WDR25: variants seen among roughly 807,000 people sequenced by gnomAD.
WDR25 encodes the protein WD repeat-containing protein 25.
WDR25 carries 35 observed loss-of-function variants against 47.7 expected under a neutral mutation model. The ratio of observed to expected loss-of-function variants is 0.73; its 90% CI spans 0.56 to 0.97. The LOEUF (loss-of-function observed/expected upper bound fraction) is 0.97. Ranked by LOEUF, WDR25 falls within the 50% of genes least tolerant of loss-of-function variation. The probability of loss-of-function intolerance (pLI) is 0.00; values close to 1 mark genes in which losing one functional copy is unlikely to be tolerated. For synonymous variants in WDR25, 248 were observed against 278.9 expected (o/e 0.89, Z 1.10); for missense variants, 634 against 704.7 (o/e 0.90, Z 1.14).
chr14:100,516,633 C>A (rs145413956), intron 4 of WDR25, among the ~76,000 whole-genome samples: 2 of 152,200 alleles, frequency 1.3e-5, no homozygotes, highest in African/African-American at 4.8e-5. Context: ...TTATTCCTGG[C>A]GGTTTTCCTT....
intron 3 of WDR25, among the ~76,000 whole-genome samples, chr14:100,482,009 A>G (rs537239538): frequency 6.6e-6 from 1 of 152,174 alleles, no homozygotes; most frequent in South Asian, 2.1e-4. Context: ...TTTTTGTTAC[A>G]TGTGTTAAGA....
intron 2 of WDR25, among the ~76,000 whole-genome samples, chr14:100,399,648 G>A (rs913408667): frequency 3.9e-5 from 6 of 152,138 alleles, no homozygotes; most frequent in South Asian, 2.1e-4. Flanking sequence ...TCTGCTTTCC[G>A]GATGCTTCTA....
intron 2 of WDR25, among the ~76,000 whole-genome samples, chr14:100,388,203 C>T (rs931454964): frequency 3.9e-5 from 6 of 152,216 alleles, no homozygotes; most frequent in African/African-American, 9.6e-5. Context: ...CAATGAGAGG[C>T]GCAGCTGGGA....
intron 2 of WDR25, among the ~76,000 whole-genome samples, chr14:100,452,454 G>A (rs527291617): frequency 6.6e-6 from 1 of 152,362 alleles, no homozygotes; most frequent in South Asian, 2.1e-4. Flanking sequence ...AGATGAAGGG[G>A]AGTGATGAGA....
intron 4 of WDR25, among the ~76,000 whole-genome samples, chr14:100,494,976 C>T (rs1900684962): frequency 6.6e-6 from 1 of 151,850 alleles, no homozygotes; most frequent in African/African-American, 2.4e-5. Flanking sequence ...CATGACTCTA[C>T]AAAAACAAAC....
chr14:100,516,580 C>G (rs911276327), intron 4 of WDR25, among the ~76,000 whole-genome samples: 1 of 152,162 alleles, frequency 6.6e-6, no homozygotes, highest in South Asian at 2.1e-4. Context: ...GTTGTTATGT[C>G]TGCTAGATGA....
intron 1 of WDR25, chr14:100,376,871 T>G (rs1191190062): frequency 1.5e-6 from 1 of 675,736 alleles, no homozygotes; most frequent in Non-Finnish European, 2.0e-6. Flanking sequence ...TCCTAGCATC[T>G]CCCCCTCCCA....
At chr14:100,470,598 G>C (rs560314169) in intron 3 of WDR25, among the ~76,000 whole-genome samples, 147 of 152,312 alleles carry the variant, frequency 9.7e-4, no homozygotes, top group African/African-American at 3.4e-3. Context: ...AGCAGCTGGC[G>C]GGCAGAGGCC....
rs539464360 is a variant in WDR25 at position 100,423,635 on chromosome 14, C to T, written c.822+41889C>T. On this transcript the variant is annotated intron_variant, in intron 2 of 6. Coordinates refer to ENST00000402312, the MANE Select transcript of WDR25 (RefSeq NM_001161476.3). ...TCAAGAATTTTATGATGAATTTCCT[C>T]GAAAACGGAACTTTTGACTACTTTT... Among the ~76,000 whole-genome samples, 6 of 152,306 alleles carry T rather than the reference C, an allele frequency of 3.9e-5. No homozygotes were observed. In the East Asian group the frequency reaches 1.2e-3, roughly 29 times the overall value.
chr14:100,429,286 G>T lies in WDR25; in HGVS notation c.823-38735G>T, dbSNP rs561647585. Among the ~76,000 whole-genome samples the T allele has an allele frequency of 5.1e-4, 78 of 152,208 alleles. 2 individuals are homozygous for T. The highest frequency in any genetic ancestry group is 4.8e-3 in the Admixed American group (74 of 15,282). On this transcript the variant is annotated intron_variant, in intron 2 of 6. Transcript: ENST00000402312. Reference sequence around the variant, plus strand: ...GTGGTGCAGCAGAGGCCAGCCTGCCGTGGGGAGGTGGGCTGTGTGTGCTCC... The same window carrying T: ...GTGGTGCAGCAGAGGCCAGCCTGCCTTGGGGAGGTGGGCTGTGTGTGCTCC...
At chr14:100,413,444 C>G (rs1014700423) in intron 2 of WDR25, among the ~76,000 whole-genome samples, 2 of 149,804 alleles carry the variant, frequency 1.3e-5, no homozygotes, top group Middle Eastern at 3.5e-3. Flanking sequence ...GACGGAGTCT[C>G]GCTCTGTCGC....
chr14:100,484,102 C>A lies in WDR25; in HGVS notation c.1079C>A (p.Ala360Asp), dbSNP rs753375170. 1 of 1,613,550 alleles carries A rather than the reference C, an allele frequency of 6.2e-7. No homozygotes were observed. The highest frequency in any genetic ancestry group is 8.5e-7 in the Non-Finnish European group (1 of 1,179,848). Residue 360 changes from alanine to aspartate, a missense_variant, in exon 4 of 7, where the codon GCT (alanine) becomes GAT (aspartate). Transcript: ENST00000402312. The stretch of plus-strand genomic sequence containing the variant: ...GGAGGCTTCAGCTCTGAAATGAAAG[C>A]TTGGGATATAAGGACTGGCAAGGTA... The part of the protein sequence containing the change: ...LCGGFSSEMK[A>D]WDIRTGKVMR...
intron 3 of WDR25, among the ~76,000 whole-genome samples, chr14:100,472,754 C>T (rs1024925424): frequency 2.0e-5 from 3 of 152,244 alleles, no homozygotes; most frequent in Non-Finnish European, 1.5e-5. Context: ...CCTCCACATT[C>T]CCCTTCCTCC....
rs2030379718 is a variant in WDR25, at chr14:100,529,670, G to A, written c.1414-150G>A. On this transcript the variant is annotated intron_variant, in intron 6 of 6. Transcript: ENST00000402312. This position sits in a 1 kb window ranked among gnomAD's most constrained non-coding sequence, Gnocchi z 5.1. ...ATCAGGGCTCTACAGCCTCATGGGC[G>A]GGACCTGGGCTTTGGCCTCAGGGAC... 5.9e-6 allele frequency: 5 copies of A among 847,528 alleles called. No individual in the cohort carries two copies. Among genetic ancestry groups the A allele is most frequent in the South Asian group, 5.2e-5 (3 of 57,460 alleles). The allele number at this position is 847,528 out of a possible 1,614,324, so 52.5% of individuals were successfully genotyped here.
At chr14:100,510,573 TAAAAATAC>T (rs1901275103) in intron 4 of WDR25, among the ~76,000 whole-genome samples, 1 of 151,576 alleles carries the variant, frequency 6.6e-6, no homozygotes, top group Non-Finnish European at 1.5e-5. Context: ...CCGTCTCTAC[TAAAAATAC>T]AAAAATTAGC....
chr14:100,419,285 G>T (rs151043911), intron 2 of WDR25, among the ~76,000 whole-genome samples: 9 of 151,950 alleles, frequency 5.9e-5, no homozygotes, highest in Non-Finnish European at 1.3e-4. Context: ...GCTTCCTGGG[G>T]CCTCGCTCCT....
intron 2 of WDR25, among the ~76,000 whole-genome samples, chr14:100,418,099 G>A (rs185978274): frequency 6.6e-6 from 1 of 151,520 alleles, no homozygotes; most frequent in Non-Finnish European, 1.5e-5. Flanking sequence ...CAACCACCAC[G>A]CCTGGCTAAT....
At position 100,449,159 on chromosome 14, in the gene WDR25, G is replaced by A. The variant is rs1298947580; in HGVS notation, c.823-18862G>A. 1.3e-5 allele frequency among the ~76,000 whole-genome samples: 2 copies of A among 152,188 alleles called. No homozygotes were observed. Among genetic ancestry groups the A allele is most frequent in the East Asian group, 1.9e-4 (1 of 5,178 alleles). Reference sequence around the variant, plus strand: ...ATAAGGCCTTATGGCTAGAAGGCTCGGAGAGCATCCTTTACTGGGCTTCTG... The same window carrying A: ...ATAAGGCCTTATGGCTAGAAGGCTCAGAGAGCATCCTTTACTGGGCTTCTG... On this transcript the variant is annotated intron_variant, in intron 2 of 6. Coordinates refer to ENST00000402312, the MANE Select transcript of WDR25 (RefSeq NM_001161476.3). The surrounding 1 kb of genome is among the most constrained non-coding windows in gnomAD (Gnocchi z 4.2).
chr14:100,431,976 C>T (rs1414858423), intron 2 of WDR25, among the ~76,000 whole-genome samples: 1 of 152,232 alleles, frequency 6.6e-6, no homozygotes, highest in East Asian at 1.9e-4. Flanking sequence ...TCCCAAAGTG[C>T]TGGGATTACA....
Sources: gnomAD v4.1 joint callset for allele counts (sites outside exome capture counted in the v4.1 genomes callset) on GRCh38, gnomAD v4.1.1 for gene constraint, Gnocchi (gnomAD v3.1) non-coding constraint, MANE v1.5 for transcripts, NCBI Gene and HGNC (gene_info 2026-07-23, HGNC 2026-07-21) for gene names.